The following CREG2 variants were observed in gnomAD, a reference collection of about 807,000 sequenced individuals.
CREG2 encodes cellular repressor of E1A stimulated genes 2, also known as protein CREG2.
A neutral mutation model predicts 26.2 loss-of-function variants in CREG2; 24 were observed. That is an observed-to-expected ratio of 0.92 (90% CI 0.66 to 1.29). The LOEUF is 1.29. Ranked by LOEUF, CREG2 falls within the 50% of genes most tolerant of loss-of-function variation. The pLI, the probability that CREG2 is intolerant of heterozygous loss-of-function variation, is 0.00. For missense variants in CREG2, 366 were observed against 398.6 expected, an observed-to-expected ratio of 0.92 and a Z score of 0.70; for synonymous variants, 174 against 169.2, an observed-to-expected ratio of 1.03 and a Z score of -0.22.
In CREG2 at chr2:101,387,486, G is replaced by T; in HGVS notation, c.-29C>A. On this transcript the variant is annotated 5_prime_UTR_variant, in exon 1 of 4. Transcript: ENST00000324768. The surrounding 1 kb of genome is among the most constrained non-coding windows in gnomAD (Gnocchi z 4.7). ...GCAGGCAGCACGCCCGGCCGCCGGG[G>T]CCGCCAGCAGCGCTAGTGCCGGGGA... 2 of 875,130 alleles carry T rather than the reference G, an allele frequency of 2.3e-6. No individual in the cohort carries two copies. The highest frequency in any genetic ancestry group is 3.0e-6 in the Non-Finnish European group (2 of 671,938). 54.2% of individuals were successfully genotyped at this position (875,130 alleles called of 1,614,324 possible).
At chr2:101,357,264 C>G (rs11689029) in intron 2 of CREG2, among the ~76,000 whole-genome samples, 35,202 of 151,532 alleles carry the variant, frequency 0.23, 4,833 homozygotes, top group South Asian at 0.36. Flanking sequence ...CTCAGGTAAC[C>G]CACCCGCCTC....
At chr2:101,353,362 A>G (rs745452957) in intron 3 of CREG2, among the ~76,000 whole-genome samples, 11 of 152,244 alleles carry the variant, frequency 7.2e-5, no homozygotes, top group South Asian at 2.1e-4. Flanking sequence ...AATATATGAA[A>G]CAAAGCTCAT....
chr2:101,353,186 T>A (rs1261411314), intron 3 of CREG2, among the ~76,000 whole-genome samples: 1 of 152,180 alleles, frequency 6.6e-6, no homozygotes, highest in Non-Finnish European at 1.5e-5. Flanking sequence ...ATTGAAAAAA[T>A]TTTCACCCGT....
chr2:101,360,203 A>T (rs1237549865), intron 2 of CREG2, among the ~76,000 whole-genome samples: 17 of 152,114 alleles, frequency 1.1e-4, no homozygotes. Flanking sequence ...AGATATAACC[A>T]TTGCCTTACC....
In CREG2 at chr2:101,376,532, G is replaced by A. The variant is rs186370138; in HGVS notation, c.611+7001C>T. Among the ~76,000 whole-genome samples the A allele has an allele frequency of 1.4e-4, 22 of 152,098 alleles. 1 individual carries two copies. The highest frequency in any genetic ancestry group is 1.2e-3 in the Admixed American group (18 of 15,270). ...TGACATCAAGTAATTTGCCTGCCTC[G>A]GCCTCCCAAATTGTTGGGATTACAG... On this transcript the variant is annotated intron_variant, in intron 2 of 3. Transcript: ENST00000324768.
chr2:101,362,789 C>T (rs1444167460), intron 2 of CREG2, among the ~76,000 whole-genome samples: 3 of 152,162 alleles, frequency 2.0e-5, no homozygotes, highest in African/African-American at 4.8e-5. Flanking sequence ...TACCCATGCC[C>T]TGTGAGGATG....
At position 101,358,824 on chromosome 2, in the gene CREG2, A is replaced by G. The variant is rs866910579; in HGVS notation, c.612-3458T>C. Among the ~76,000 whole-genome samples the G allele has an allele frequency of 0.013, 268 of 20,866 alleles. 105 individuals carry two copies. In the Middle Eastern group the frequency reaches 0.21, roughly 16 times the overall value. 13.7% of individuals were successfully genotyped at this position (20,866 alleles called of 152,430 possible). ...GCCGAGGCGGGCGGATCACGAGGTCAGGAGATCGAGACCATCCCGGCTAAA... is the reference window on the plus strand; with the variant it reads ...GCCGAGGCGGGCGGATCACGAGGTCGGGAGATCGAGACCATCCCGGCTAAA... On this transcript the variant is annotated intron_variant, in intron 2 of 3. Transcript: ENST00000324768.
At chr2:101,364,717 C>T (rs1433236633) in intron 2 of CREG2, among the ~76,000 whole-genome samples, 1 of 152,148 alleles carries the variant, frequency 6.6e-6, no homozygotes, top group Non-Finnish European at 1.5e-5. Flanking sequence ...CACATGGTTT[C>T]CCTGGGCAGA....
intron 2 of CREG2, among the ~76,000 whole-genome samples, chr2:101,371,475 G>A (rs1056452859): frequency 6.6e-6 from 1 of 152,158 alleles, no homozygotes; most frequent in Non-Finnish European, 1.5e-5. Context: ...TAGAGACCAC[G>A]CAGCAGAGAG....
At position 101,383,706 on chromosome 2, in the gene CREG2, A is replaced by G; in HGVS notation, c.442-4T>C. ...TCCCAAATGGCAGTCCTTGGATCTA[A>G]CAAACACCAAAAAAGGCTTTTTCAG... is the stretch of plus-strand genomic sequence containing the variant. On this transcript the variant is annotated splice_region_variant and splice_polypyrimidine_tract_variant and intron_variant, in intron 1 of 3. Coordinates refer to ENST00000324768, the MANE Select transcript of CREG2 (RefSeq NM_153836.4). 1.3e-6 allele frequency: 2 copies of G among 1,592,640 alleles called. No homozygotes were observed. The highest frequency in any genetic ancestry group is 1.7e-6 in the Non-Finnish European group (2 of 1,169,486).
At chr2:101,378,178 G>A (rs528139164) in intron 2 of CREG2, among the ~76,000 whole-genome samples, 2 of 152,078 alleles carry the variant, frequency 1.3e-5, no homozygotes, top group Admixed American at 6.6e-5. Context: ...TCTATGAGTC[G>A]ACTTATTTAG....
Position 101,383,695 on chromosome 2 carries a change from C to A in CREG2, c.449G>T (p.Gly150Val). ...GGGCAGGCAGTTCCCAAATGGCAGTCCTTGGATCTAACAAACACCAAAAAA... is the reference window on the plus strand; with the variant it reads ...GGGCAGGCAGTTCCCAAATGGCAGTACTTGGATCTAACAAACACCAAAAAA... The part of the protein sequence containing the change: ...ATVSTHKKIQ[G>V]LPFGNCLPVS... Residue 150 changes from glycine to valine, a missense_variant, in exon 2 of 4, where the codon GGA becomes GTA. Gly to Val is a moderately radical substitution (Grantham distance 109). This residue lies in a region of CREG2 where 174 missense variants were observed against 178.2 expected (regional missense o/e 0.98). Transcript: ENST00000324768. 2 of 1,603,956 alleles carry A rather than the reference C, an allele frequency of 1.2e-6. No individual in the cohort carries two copies. Among genetic ancestry groups the A allele is most frequent in the Non-Finnish European group, 1.7e-6 (2 of 1,174,738 alleles).
intron 2 of CREG2, among the ~76,000 whole-genome samples, chr2:101,381,270 T>C (rs1449480251): frequency 2.0e-5 from 3 of 152,330 alleles, no homozygotes; most frequent in South Asian, 4.1e-4. Context: ...TTCTACCAGA[T>C]ACCTCGCTAT....
chr2:101,383,787 A>G, intron 1 of CREG2, 85 bp from the exon 2 acceptor site: 1 of 1,277,348 alleles, frequency 7.8e-7, no homozygotes, highest in Non-Finnish European at 1.1e-6. Context: ...CTGGCTAGGA[A>G]ATACAACACC....
intron 2 of CREG2, among the ~76,000 whole-genome samples, chr2:101,357,630 G>A (rs1684481131): frequency 1.3e-5 from 2 of 152,142 alleles, no homozygotes; most frequent in South Asian, 4.1e-4. Context: ...ATCTGCTGCT[G>A]TAGTAAGATT....
rs144241380 is a variant in CREG2, at chr2:101,356,047, G to A, written c.612-681C>T. 9.9e-5 allele frequency among the ~76,000 whole-genome samples: 15 copies of A among 152,208 alleles called. No homozygotes were observed. In the East Asian group the frequency reaches 2.3e-3, roughly 24 times the overall value. ...AGAGGTTTTATGAAGCAGTGGAAGT[G>A]GCTCTCAGCAGAAGAGCTGAAAAGG... is the stretch of plus-strand genomic sequence containing the variant. On this transcript the variant is annotated intron_variant, in intron 2 of 3. Transcript: ENST00000324768.
At chr2:101,366,365 C>G (rs1314695227) in intron 2 of CREG2, among the ~76,000 whole-genome samples, 1 of 152,174 alleles carries the variant, frequency 6.6e-6, no homozygotes, top group Non-Finnish European at 1.5e-5. Flanking sequence ...ATTCAATGTT[C>G]CCATCCATGA....
chr2:101,355,702 G>T (rs1381102699), intron 2 of CREG2, among the ~76,000 whole-genome samples: 1 of 151,908 alleles, frequency 6.6e-6, no homozygotes, highest in Non-Finnish European at 1.5e-5. Context: ...TGCGACAGTG[G>T]GGTAGGGTGG....
intron 2 of CREG2, among the ~76,000 whole-genome samples, chr2:101,379,072 T>C (rs983632875): frequency 3.3e-5 from 5 of 152,014 alleles, no homozygotes; most frequent in Admixed American, 2.6e-4. Flanking sequence ...GAAAGTCACA[T>C]TCTACTTATC....
Sources: allele counts gnomAD v4.1 joint callset (sites outside exome capture counted in the v4.1 genomes callset), GRCh38; gene constraint gnomAD v4.1.1; regional missense constraint gnomAD v4.1.1; non-coding constraint Gnocchi (gnomAD v3.1); transcripts MANE v1.5; gene names NCBI Gene and HGNC (gene_info 2026-07-23, HGNC 2026-07-21).